EHF: variants seen among roughly 807,000 people sequenced by gnomAD.
The protein encoded by EHF is ETS homologous factor, also known as ESE3 transcription factor.
A neutral mutation model predicts 45.1 loss-of-function variants in EHF; 14 were observed. The ratio of observed to expected loss-of-function variants is 0.31; its 90% CI spans 0.21 to 0.49. EHF has a LOEUF of 0.49. Among genes scored for constraint, EHF ranks in the 20% least tolerant of loss-of-function variants. EHF has a pLI of 0.99. For synonymous variants in EHF, 136 were observed against 131.8 expected, an observed-to-expected ratio of 1.03 and a Z score of -0.22; for missense variants, 282 against 371.4, an observed-to-expected ratio of 0.76 and a Z score of 1.98.
intron 1 of EHF, among the ~76,000 whole-genome samples, chr11:34,628,736 A>G (rs555051487): frequency 6.6e-6 from 1 of 152,320 alleles, no homozygotes; most frequent in African/African-American, 2.4e-5. Context: ...GAGGTAGTGC[A>G]TGGAACAAAG....
intron 3 of EHF, chr11:34,646,974 C>A (rs1330191011): frequency 1.3e-5 from 6 of 461,964 alleles, no homozygotes; most frequent in African/African-American, 1.0e-4. Flanking sequence ...TACTTACTAT[C>A]CTTGGAAAAT....
At chr11:34,643,474 C>T (rs1854225462) in intron 2 of EHF, among the ~76,000 whole-genome samples, 5 of 152,206 alleles carry the variant, frequency 3.3e-5, no homozygotes, top group Admixed American at 3.3e-4. Flanking sequence ...AATCCACACC[C>T]ACTGCTAATC....
At chr11:34,651,674 T>G (rs1237951395) in intron 5 of EHF, 63 bp from the exon 6 acceptor site, 1 of 1,606,934 alleles carries the variant, frequency 6.2e-7, no homozygotes, top group East Asian at 2.2e-5. Flanking sequence ...AGAGCCACAG[T>G]GTTCTATTGT....
chr11:34,631,485 C>G, intron 1 of EHF: 1 of 802,412 alleles, frequency 1.2e-6, no homozygotes, highest in Non-Finnish European at 1.5e-6. Flanking sequence ...GTGACATTGA[C>G]AAATTAATGA....
chr11:34,658,747 C>A lies in EHF; in HGVS notation c.803+19C>A, dbSNP rs948397964. 1.9e-6 allele frequency: 3 copies of A among 1,608,192 alleles called. No individual in the cohort carries two copies. Among genetic ancestry groups the A allele is most frequent in the Non-Finnish European group, 2.5e-6 (3 of 1,177,772 alleles). ...CTATGAGGTGAGGAGTTTCATGTCT[C>A]TGAAAACAAAAAGGCTGTACGACCC... On this transcript the variant is annotated intron_variant, in intron 8 of 8. Transcript: ENST00000257831.
intron 1 of EHF, chr11:34,631,519 G>A (rs1852888549): frequency 1.4e-5 from 13 of 962,490 alleles, no homozygotes; most frequent in Non-Finnish European, 1.6e-5. Context: ...GATGATGCTT[G>A]GATTAGGACA....
At chr11:34,637,120 T>G (rs1853504617) in intron 1 of EHF, among the ~76,000 whole-genome samples, 1 of 152,022 alleles carries the variant, frequency 6.6e-6, no homozygotes, top group Non-Finnish European at 1.5e-5. Context: ...AACTCAGCTT[T>G]TAGTGGGATT....
At chr11:34,636,135 C>T (rs1439996630) in intron 1 of EHF, among the ~76,000 whole-genome samples, 2 of 152,202 alleles carry the variant, frequency 1.3e-5, no homozygotes, top group African/African-American at 4.8e-5. Flanking sequence ...ATAAAAACTA[C>T]AAGTATGATT....
intron 4 of EHF, 124 bp from the exon 5 acceptor site, chr11:34,651,418 C>A: frequency 1.4e-6 from 1 of 736,842 alleles, no homozygotes; most frequent in Non-Finnish European, 2.3e-6. Context: ...GAATCATATC[C>A]CTTGTCTCTG....
intron 1 of EHF, chr11:34,622,328 A>G: frequency 1.0e-6 from 1 of 970,488 alleles, no homozygotes; most frequent in Non-Finnish European, 1.4e-6. Context: ...ATCTGCACTC[A>G]CCTTGGTAAC....
chr11:34,647,628 T>C (rs1351940618), intron 3 of EHF, among the ~76,000 whole-genome samples: 1 of 152,218 alleles, frequency 6.6e-6, no homozygotes, highest in Non-Finnish European at 1.5e-5. Context: ...GAACCCATGT[T>C]TGGGCAAGTA....
Position 34,659,509 on chromosome 11 carries a change from T to G in EHF, c.*578T>G, listed in dbSNP as rs1011233371. The G allele has an allele frequency of 6.6e-6, 1 of 152,604 alleles. No individual in the cohort carries two copies. The allele number at this position is 152,604 out of a possible 1,614,324, so 9.5% of individuals were successfully genotyped here. On this transcript the variant is annotated 3_prime_UTR_variant, in exon 9 of 9. Transcript: ENST00000257831. ...TTCCAAAACCCAAGGTTGGCTATAA[T>G]CTCTGCATAACCACATGACTTGGAA...
intron 1 of EHF, chr11:34,632,757 G>T: frequency 1.5e-6 from 2 of 1,345,132 alleles, no homozygotes; most frequent in East Asian, 2.5e-5. Context: ...ACTTTGGAAG[G>T]AGCCACTATT....
At chr11:34,646,373 C>T in intron 2 of EHF, 66 bp from the exon 3 acceptor site, 2 of 1,600,430 alleles carry the variant, frequency 1.2e-6, no homozygotes, top group South Asian at 1.1e-5. Flanking sequence ...ACAGTACATC[C>T]CTGTGTCAGA....
At chr11:34,657,249 G>A (rs924872729) in intron 7 of EHF, among the ~76,000 whole-genome samples, 1 of 3,406 alleles carries the variant, frequency 2.9e-4, no homozygotes, top group African/African-American at 9.8e-4. Context: ...TTGCAGGCAT[G>A]GGGTTGGCAA....
intron 7 of EHF, among the ~76,000 whole-genome samples, chr11:34,657,542 A>G (rs1855780507): frequency 6.6e-6 from 1 of 152,092 alleles, no homozygotes; most frequent in African/African-American, 2.4e-5. Context: ...TAATCCCACC[A>G]CTTTGGGAGA....
intron 1 of EHF, among the ~76,000 whole-genome samples, chr11:34,630,541 C>T (rs1397502363): frequency 2.0e-5 from 3 of 152,062 alleles, no homozygotes; most frequent in Non-Finnish European, 4.4e-5. Context: ...TTGACTTGAA[C>T]ATCTTGGTCT....
intron 1 of EHF, among the ~76,000 whole-genome samples, chr11:34,625,270 G>C (rs772415383): frequency 2.0e-5 from 3 of 152,156 alleles, no homozygotes; most frequent in Non-Finnish European, 4.4e-5. Flanking sequence ...TTGCCAATTT[G>C]CCTCATGTGT....
chr11:34,642,619 C>T lies in EHF; in HGVS notation c.-3-9C>T. On this transcript the variant is annotated splice_polypyrimidine_tract_variant and intron_variant, in intron 1 of 8. Transcript: ENST00000257831. ...CACTGACTGAACAGGCTGTTTGATC[C>T]CCTAACAGATCATGATTCTGGAAGG... 6.3e-7 allele frequency: 1 copy of T among 1,589,212 alleles called. No homozygotes were observed.
Sources: gnomAD v4.1 joint callset for allele counts (sites outside exome capture counted in the v4.1 genomes callset) on GRCh38, gnomAD v4.1.1 for gene constraint, MANE v1.5 for transcripts, NCBI Gene and HGNC (gene_info 2026-07-23, HGNC 2026-07-21) for gene names.